Variants in MGAT4A observed in about 807,000 individuals in gnomAD.
MGAT4A encodes alpha-1,3-mannosyl-glycoprotein 4-beta-N-acetylglucosaminyltransferase A.
In MGAT4A, 33 loss-of-function variants were observed where a neutral mutation model predicts 74.1. The ratio of observed to expected loss-of-function variants is 0.45; its 90% CI spans 0.34 to 0.60. The LOEUF is 0.60. Among genes scored for constraint, MGAT4A ranks in the 20% least tolerant of loss-of-function variants. MGAT4A has a pLI of 0.02. For synonymous variants in MGAT4A, 198 were observed against 210.4 expected (o/e 0.94, Z 0.51); for missense variants, 479 against 628.3 (o/e 0.76, Z 2.54).
chr2:98,622,501 G>T lies in MGAT4A; in HGVS notation c.*3065C>A. 1.0e-6 allele frequency: 1 copy of T among 985,372 alleles called. No homozygotes were observed. The highest frequency in any genetic ancestry group is 1.2e-6 in the Non-Finnish European group (1 of 829,940). The allele number at this position is 985,372 out of a possible 1,614,324, so 61.0% of individuals were successfully genotyped here. On this transcript the variant is annotated 3_prime_UTR_variant, in exon 16 of 16. Coordinates refer to ENST00000393487, the MANE Select transcript of MGAT4A (RefSeq NM_012214.3). The stretch of plus-strand genomic sequence containing the variant: ...TACTATTTTGGTAAAATGATTCGGC[G>T]CCCTCTCAAGGCAAAGTATTTACCT...
chr2:98,635,343 G>A (rs1325707055), intron 13 of MGAT4A, 55 bp from the exon 14 acceptor site: 2 of 1,306,466 alleles, frequency 1.5e-6, no homozygotes, highest in Non-Finnish European at 2.1e-6. Context: ...TTTAACCTAA[G>A]TTATTAATAT....
chr2:98,725,169 CA>C (rs1702743301), intron 2 of MGAT4A, among the ~76,000 whole-genome samples: 1 of 152,072 alleles, frequency 6.6e-6, no homozygotes, highest in African/African-American at 2.4e-5. Flanking sequence ...GTATATAAAG[CA>C]AAAAGGACCT....
intron 5 of MGAT4A, among the ~76,000 whole-genome samples, chr2:98,658,942 C>A (rs997366282): frequency 6.6e-6 from 1 of 152,206 alleles, no homozygotes; most frequent in African/African-American, 2.4e-5. Context: ...CACATATTCA[C>A]ATTTCACAAA....
Position 98,675,077 on chromosome 2 carries a change from T to C in MGAT4A, c.361A>G (p.Ser121Gly). ...CCAATCTGTACAGCAGGTTGAAGACTTCCTTCATTTTTCAATAAATGAGGC... is the reference window on the plus strand; with the variant it reads ...CCAATCTGTACAGCAGGTTGAAGACCTCCTTCATTTTTCAATAAATGAGGC... ...HLPHLLKNEG[S>G]LQPAVQIGNG... The change falls in exon 4 of 16, where the codon AGT (serine) becomes GGT (glycine). Residue 121 changes from serine to glycine, a missense_variant. Physicochemically the swap from Ser to Gly is moderately conservative, Grantham distance 56. Transcript: ENST00000393487. The C allele has an allele frequency of 1.9e-6, 3 of 1,611,402 alleles. No individual in the cohort carries two copies. Among genetic ancestry groups the C allele is most frequent in the South Asian group, 1.1e-5 (1 of 90,136 alleles).
At chr2:98,728,742 T>C (rs1020474762) in intron 1 of MGAT4A, among the ~76,000 whole-genome samples, 1 of 133,388 alleles carries the variant, frequency 7.5e-6, no homozygotes, top group African/African-American at 3.4e-5. Flanking sequence ...GAGACTCAGT[T>C]TGAAAAAAAA....
chr2:98,624,139 A>C lies in MGAT4A; in HGVS notation c.*1427T>G. The C allele has an allele frequency of 1.6e-6, 1 of 642,724 alleles. No individual in the cohort carries two copies. Among genetic ancestry groups the C allele is most frequent in the Non-Finnish European group, 1.9e-6 (1 of 516,996 alleles). 39.8% of individuals were successfully genotyped at this position (642,724 alleles called of 1,614,324 possible). ...GCCATTCTCCTGCCTCAGCCTCCCA[A>C]GTAGCTGGGATTACAGGCACCTGCC... On this transcript the variant is annotated 3_prime_UTR_variant, in exon 16 of 16. Transcript: ENST00000393487.
intron 2 of MGAT4A, among the ~76,000 whole-genome samples, chr2:98,714,977 T>C (rs1702571186): frequency 6.6e-6 from 1 of 151,842 alleles, no homozygotes; most frequent in Non-Finnish European, 1.5e-5. Context: ...CAGAATTAAA[T>C]AAATATCCAT....
chr2:98,624,831 C>T lies in MGAT4A; in HGVS notation c.*735G>A, dbSNP rs570277610. Reference sequence around the variant, plus strand: ...ATACACAGTATAGTAAAGTAACCCTCAGGAAGGACATTAGTCTTTAAAATC... The same window carrying T: ...ATACACAGTATAGTAAAGTAACCCTTAGGAAGGACATTAGTCTTTAAAATC... On this transcript the variant is annotated 3_prime_UTR_variant, in exon 16 of 16. Transcript: ENST00000393487. The T allele has an allele frequency of 2.6e-4, 257 of 985,572 alleles. No homozygotes were observed. The African/African-American group carries it at 4.1e-3, about 16-fold the overall frequency. 61.1% of individuals were successfully genotyped at this position (985,572 alleles called of 1,614,324 possible). A position where few individuals can be genotyped will look rare whatever the true frequency, so the allele number is the denominator to read the frequency against.
Position 98,624,645 on chromosome 2 carries a change from C to T in MGAT4A, c.*921G>A, listed in dbSNP as rs933032603. ...AAAAGAATCAACAGCAGATAATGCA[C>T]CTAATTCATGGATTAAAGACAAAGA... On this transcript the variant is annotated 3_prime_UTR_variant, in exon 16 of 16. Coordinates refer to ENST00000393487, the MANE Select transcript of MGAT4A (RefSeq NM_012214.3). 8.1e-6 allele frequency: 8 copies of T among 983,078 alleles called. No homozygotes were observed. The highest frequency in any genetic ancestry group is 1.8e-5 in the African/African-American group (1 of 57,112). 60.9% of individuals were successfully genotyped at this position (983,078 alleles called of 1,614,324 possible). A position where few individuals can be genotyped will look rare whatever the true frequency, so the allele number is the denominator to read the frequency against.
chr2:98,707,830 C>T (rs1287469296), intron 2 of MGAT4A, among the ~76,000 whole-genome samples: 1 of 152,180 alleles, frequency 6.6e-6, no homozygotes, highest in African/African-American at 2.4e-5. Context: ...CAGAGCAAGG[C>T]TGCTCATGTG....
chr2:98,722,649 C>G (rs1406096920), intron 2 of MGAT4A, among the ~76,000 whole-genome samples: 1 of 152,016 alleles, frequency 6.6e-6, no homozygotes, highest in Non-Finnish European at 1.5e-5. Flanking sequence ...GTGAATATAC[C>G]AAAAACCGAC....
Position 98,639,900 on chromosome 2 carries a change from T to C in MGAT4A, c.1230A>G (p.Lys410=), listed in dbSNP as rs1287416535. The C allele has an allele frequency of 1.2e-6, 2 of 1,614,056 alleles. No homozygotes were observed. Among genetic ancestry groups the C allele is most frequent in the African/African-American group, 2.7e-5 (2 of 74,930 alleles). The change falls in exon 12 of 16, where the codon AAA becomes AAG. Residue 410 remains lysine, a synonymous_variant. Coordinates refer to ENST00000393487, the MANE Select transcript of MGAT4A (RefSeq NM_012214.3). ...AGAAGAAATCCTCTCCCATGTAAGT[T>C]TTCTCCAGCGTATGCCCTTGGTAGA... ...LKVYQGHTLE[K]TYMGEDFFWA...
chr2:98,708,989 T>C (rs1156398427), intron 2 of MGAT4A, among the ~76,000 whole-genome samples: 1 of 152,190 alleles, frequency 6.6e-6, no homozygotes, highest in African/African-American at 2.4e-5. Context: ...GCAGTGGGCA[T>C]TCCCTGAGAG....
chr2:98,721,634 C>T (rs181742550), intron 2 of MGAT4A, among the ~76,000 whole-genome samples: 3 of 152,016 alleles, frequency 2.0e-5, no homozygotes, highest in Admixed American at 2.0e-4. Flanking sequence ...CAATACCCCC[C>T]AAAAGGGTAA....
chr2:98,622,199 T>A lies in MGAT4A; in HGVS notation c.*3367A>T. On this transcript the variant is annotated 3_prime_UTR_variant, in exon 16 of 16. Transcript: ENST00000393487. ...ATTCCCATGTCTGCTTTTAACCTCA[T>A]GAGAATGTATTAATTGTGGTTTCTA... 2 of 984,516 alleles carry A rather than the reference T, an allele frequency of 2.0e-6. No homozygotes were observed. The highest frequency in any genetic ancestry group is 2.4e-6 in the Non-Finnish European group (2 of 829,140). The allele number at this position is 984,516 out of a possible 1,614,324, so 61.0% of individuals were successfully genotyped here. A position where few individuals can be genotyped will look rare whatever the true frequency, so the allele number is the denominator to read the frequency against.
intron 8 of MGAT4A, among the ~76,000 whole-genome samples, chr2:98,652,245 C>G (rs1162208979): frequency 6.6e-6 from 1 of 152,046 alleles, no homozygotes; most frequent in Admixed American, 6.5e-5. Context: ...ATCCCAACAA[C>G]AGCAGAATAC....
At chr2:98,648,570 T>C (rs1701529771) in intron 8 of MGAT4A, among the ~76,000 whole-genome samples, 1 of 148,282 alleles carries the variant, frequency 6.7e-6, no homozygotes, top group Non-Finnish European at 1.5e-5. Context: ...AAAAAAAAAA[T>C]TAGCCAGGCA....
chr2:98,713,450 T>TAA (rs796083746), intron 2 of MGAT4A, among the ~76,000 whole-genome samples: 7 of 126,902 alleles, frequency 5.5e-5, no homozygotes, highest in East Asian at 4.4e-4. Flanking sequence ...AATCTAATCT[T>TAA]AAAAAAAAAA....
intron 4 of MGAT4A, among the ~76,000 whole-genome samples, chr2:98,665,581 C>T (rs2104274860): frequency 1.3e-5 from 2 of 152,364 alleles, no homozygotes; most frequent in African/African-American, 4.8e-5. Context: ...CACATATTTA[C>T]TGCAAGGCAC....
Sources: gnomAD v4.1 joint callset for allele counts (sites outside exome capture counted in the v4.1 genomes callset) on GRCh38, gnomAD v4.1.1 for gene constraint, MANE v1.5 for transcripts, NCBI Gene and HGNC (gene_info 2026-07-23, HGNC 2026-07-21) for gene names.